The following AHI1 variants were observed in gnomAD, a reference collection of about 807,000 sequenced individuals.
AHI1 encodes the protein jouberin.
Under a neutral mutation model 149.3 loss-of-function variants are expected in AHI1, and 123 were observed. That is an observed-to-expected ratio of 0.82 (90% confidence interval 0.71 to 0.96). The LOEUF is 0.96. Ranked by LOEUF, AHI1 falls within the 40% of genes least tolerant of loss-of-function variation. AHI1 has a pLI of 0.00. For missense variants in AHI1, 1,439 were observed against 1,422.7 expected (o/e 1.01, Z -0.18); for synonymous variants, 475 against 459.8 (o/e 1.03, Z -0.42).
intron 21 of AHI1, among the ~76,000 whole-genome samples, chr6:135,407,091 G>C (rs1168347912): frequency 6.6e-6 from 1 of 152,012 alleles, no homozygotes; most frequent in Non-Finnish European, 1.5e-5. Context: ...ATGACTAAAT[G>C]GTAATGCTCC....
At chr6:135,371,865 T>C (rs969826958) in intron 23 of AHI1, among the ~76,000 whole-genome samples, 4 of 152,260 alleles carry the variant, frequency 2.6e-5, no homozygotes, top group Non-Finnish European at 5.9e-5. Context: ...CTGTGCAGGG[T>C]AAGCAGGCTT....
At chr6:135,495,684 G>C (rs1468489375) in intron 3 of AHI1, 130 bp downstream of exon 3, 2 of 152,198 alleles carry the variant, frequency 1.3e-5, no homozygotes, top group African/African-American at 4.8e-5. Context: ...CCAAGCCAAT[G>C]CTCTCTTATA....
intron 26 of AHI1, among the ~76,000 whole-genome samples, chr6:135,311,157 C>CA (rs1465071362): frequency 5.9e-5 from 9 of 151,872 alleles, no homozygotes; most frequent in Non-Finnish European, 1.3e-4. Flanking sequence ...CAAACATTAG[C>CA]AGGGCATGGT....
intron 6 of AHI1, among the ~76,000 whole-genome samples, chr6:135,467,205 A>C (rs1790909978): frequency 6.6e-6 from 1 of 152,220 alleles, no homozygotes; most frequent in Non-Finnish European, 1.5e-5. Flanking sequence ...ACAACTAACA[A>C]GGAAGAGAAG....
intron 24 of AHI1, among the ~76,000 whole-genome samples, chr6:135,340,378 A>C (rs1224642330): frequency 1.3e-5 from 2 of 151,888 alleles, no homozygotes; most frequent in East Asian, 1.9e-4. Context: ...CTCAAAAAAC[A>C]AAAACCAAAA....
At chr6:135,411,278 T>C in intron 21 of AHI1, 70 bp downstream of exon 21, 2 of 1,390,256 alleles carry the variant, frequency 1.4e-6, no homozygotes, top group Non-Finnish European at 2.0e-6. Flanking sequence ...TAAATGAATA[T>C]TTATTGGCAT....
intron 22 of AHI1, among the ~76,000 whole-genome samples, chr6:135,400,101 G>T (rs908982148): frequency 6.6e-6 from 1 of 151,722 alleles, no homozygotes; most frequent in African/African-American, 2.4e-5. Flanking sequence ...TTTTGTGTTT[G>T]TAAGTTCTCA....
At chr6:135,360,429 G>A (rs1019755635) in intron 23 of AHI1, among the ~76,000 whole-genome samples, 12 of 152,176 alleles carry the variant, frequency 7.9e-5, no homozygotes, top group Admixed American at 6.5e-5. Flanking sequence ...ACTCACCTGA[G>A]AGCGAGGGGA....
intron 23 of AHI1, among the ~76,000 whole-genome samples, chr6:135,381,722 G>T (rs1423938627): frequency 6.6e-6 from 1 of 152,174 alleles, no homozygotes; most frequent in Non-Finnish European, 1.5e-5. Context: ...TCCCCTCTGT[G>T]CTGCCACAGT....
At chr6:135,293,406 G>GAAAAAAAAAAAAAAAAAAAAAAAAAAAA (rs71547029) in intron 27 of AHI1, among the ~76,000 whole-genome samples, 3 of 65,592 alleles carry the variant, frequency 4.6e-5, no homozygotes, top group Admixed American at 1.7e-4. Flanking sequence ...AAAAAAAAAA[G>GAAAAAAAAAAAAAAAAAAAAAAAAAAAA]AAAAAAAAAA....
At chr6:135,317,629 C>A (rs907843085) in intron 26 of AHI1, among the ~76,000 whole-genome samples, 1 of 152,008 alleles carries the variant, frequency 6.6e-6, no homozygotes, top group Non-Finnish European at 1.5e-5. Context: ...GGTGTGTGCA[C>A]CAGCCTGTAA....
chr6:135,464,143 AAAT>A lies in AHI1; in HGVS notation c.750-840_750-838del, dbSNP rs894638070. Among the ~76,000 whole-genome samples, 23 of 152,314 alleles carry A rather than the reference AAAT, an allele frequency of 1.5e-4. No individual in the cohort carries two copies. The South Asian group carries it at 3.5e-3, about 23-fold the overall frequency. On this transcript the variant is annotated intron_variant, in intron 7 of 28. Coordinates refer to ENST00000265602, the MANE Select transcript of AHI1 (RefSeq NM_001134831.2). ...TGTATCTAGTAAAAAATCTGCATGTAAATAATAAAAAATTAATTTCCAATATTT... is the reference window on the plus strand; with the variant it reads ...TGTATCTAGTAAAAAATCTGCATGTAAATAAAAAATTAATTTCCAATATTT...
intron 23 of AHI1, chr6:135,387,984 G>C (rs376533791): frequency 3.1e-6 from 5 of 1,613,636 alleles, no homozygotes; most frequent in Non-Finnish European, 4.2e-6. Flanking sequence ...CCTGAGTCTA[G>C]TGCTTTTTCC....
intron 8 of AHI1, among the ~76,000 whole-genome samples, chr6:135,458,112 A>G (rs1269874265): frequency 6.6e-6 from 1 of 152,236 alleles, no homozygotes; most frequent in Non-Finnish European, 1.5e-5. Flanking sequence ...AGAGCCAAAT[A>G]AATTACAAAT....
chr6:135,474,957 G>A (rs1301872136), intron 5 of AHI1, among the ~76,000 whole-genome samples: 1 of 152,166 alleles, frequency 6.6e-6, no homozygotes, highest in Non-Finnish European at 1.5e-5. Context: ...TTATTTTACA[G>A]TCTGGAAGAG....
intron 22 of AHI1, 140 bp from the exon 23 acceptor site, chr6:135,395,036 G>T: frequency 1.3e-6 from 1 of 784,080 alleles, no homozygotes; most frequent in Non-Finnish European, 2.0e-6. Context: ...TACATGGTTA[G>T]TTTGTAAACT....
chr6:135,375,776 C>A (rs1409021727), intron 23 of AHI1, among the ~76,000 whole-genome samples: 1 of 152,092 alleles, frequency 6.6e-6, no homozygotes, highest in African/African-American at 2.4e-5. Context: ...AATGATTCCC[C>A]AATAGCAATG....
chr6:135,363,338 CAT>C (rs1216093133), intron 23 of AHI1, among the ~76,000 whole-genome samples: 31 of 151,808 alleles, frequency 2.0e-4, no homozygotes, highest in Middle Eastern at 3.2e-3. Context: ...GGATACAGCA[CAT>C]GTTTCAGAGA....
intron 23 of AHI1, among the ~76,000 whole-genome samples, chr6:135,358,992 G>C (rs1250249223): frequency 2.6e-5 from 4 of 152,294 alleles, no homozygotes; most frequent in East Asian, 3.9e-4. Flanking sequence ...CAATGCTAAA[G>C]GCTGTCATAT....
Sources: gnomAD v4.1 joint callset for allele counts (sites outside exome capture counted in the v4.1 genomes callset) on GRCh38, gnomAD v4.1.1 for gene constraint, MANE v1.5 for transcripts, NCBI Gene and HGNC (gene_info 2026-07-23, HGNC 2026-07-21) for gene names.